SNRPG: variants seen among roughly 807,000 people sequenced by gnomAD.
The protein encoded by SNRPG is small nuclear ribonucleoprotein polypeptide G, also known as small nuclear ribonucleoprotein G.
SNRPG carries 3 observed loss-of-function variants against 13.9 expected under a neutral mutation model. That is an observed-to-expected ratio of 0.22 (90% CI 0.10 to 0.56). The LOEUF is 0.56. SNRPG is among the 20% of genes least tolerant of loss of function. The pLI is 0.93. For synonymous variants in SNRPG, 29 were observed against 29.3 expected, an observed-to-expected ratio of 0.99 and a Z score of 0.03; for missense variants, 34 against 96.1, an observed-to-expected ratio of 0.35 and a Z score of 2.70.
intron 3 of SNRPG, 85 bp from the exon 4 acceptor site, chr2:70,281,769 T>G: frequency 1.3e-6 from 1 of 769,238 alleles, no homozygotes; most frequent in South Asian, 1.7e-5. Context: ...ACCAAATCAT[T>G]AATGGTTTTT....
chr2:70,292,719 T>G (rs1294167297), intron 1 of SNRPG: 1 of 170,950 alleles, frequency 5.8e-6, no homozygotes, highest in African/African-American at 2.4e-5. Flanking sequence ...GAACTAACTA[T>G]ACACAAAGCC....
chr2:70,287,933 A>G (rs1037842390), intron 3 of SNRPG, 135 bp downstream of exon 3: 9 of 582,312 alleles, frequency 1.5e-5, no homozygotes, highest in South Asian at 1.5e-4. Flanking sequence ...TAACTGCCGT[A>G]TGCAACTAAA....
intron 3 of SNRPG, 30 bp from the exon 4 acceptor site, chr2:70,281,714 A>G: frequency 8.1e-7 from 1 of 1,232,834 alleles, no homozygotes; most frequent in African/African-American, 1.5e-5. Flanking sequence ...ATTTGAAAAG[A>G]ACAACTCAGG....
intron 1 of SNRPG, chr2:70,293,042 G>A (rs989111376): frequency 1.3e-5 from 8 of 636,208 alleles, no homozygotes; most frequent in Non-Finnish European, 2.3e-5. Context: ...AAAAATGAAT[G>A]TTCTTATATA....
intron 1 of SNRPG, among the ~76,000 whole-genome samples, chr2:70,290,659 C>A (rs1697060547): frequency 6.6e-6 from 1 of 151,318 alleles, no homozygotes; most frequent in African/African-American, 2.4e-5. Context: ...AGGAGCATGA[C>A]TGAAGGAGGG....
chr2:70,283,048 T>C (rs1696836940), intron 3 of SNRPG, among the ~76,000 whole-genome samples: 3 of 121,230 alleles, frequency 2.5e-5, no homozygotes, highest in Admixed American at 1.2e-4. Context: ...TAAGCCAAGA[T>C]AGCGCCACTG....
rs1437239147 is a variant in SNRPG at position 70,283,117 on chromosome 2, A to C, written c.181-1433T>G. Among the ~76,000 whole-genome samples, 6 of 148,544 alleles carry C rather than the reference A, an allele frequency of 4.0e-5. 1 individual carries two copies. Among genetic ancestry groups the C allele is most frequent in the African/African-American group, 7.5e-5 (3 of 39,844 alleles). On this transcript the variant is annotated intron_variant, in intron 3 of 3. Transcript: ENST00000272348. ...TTGTCAAAAAAAAAAAAAAAAAAAA[A>C]AAAAAAACAACAAACCAAAACCAAA...
chr2:70,287,785 A>G (rs1012412238), intron 3 of SNRPG: 1 of 467,788 alleles, frequency 2.1e-6, no homozygotes, highest in African/African-American at 1.9e-5. Context: ...TACTGCTCTA[A>G]TGAAGGACCA....
At chr2:70,291,722 G>A (rs182043613) in intron 1 of SNRPG, among the ~76,000 whole-genome samples, 11 of 152,082 alleles carry the variant, frequency 7.2e-5, no homozygotes, top group Admixed American at 5.9e-4. Flanking sequence ...TGAAACCTAC[G>A]AGGAAGAGAA....
intron 1 of SNRPG, among the ~76,000 whole-genome samples, chr2:70,289,986 A>G (rs1207660447): frequency 6.6e-6 from 1 of 151,370 alleles, no homozygotes; most frequent in South Asian, 2.1e-4. Flanking sequence ...ACGTTGTTTC[A>G]TTGACCTAAA....
rs914164983 is a variant in SNRPG, at chr2:70,289,076, G to A, written c.55+274C>T. Among the ~76,000 whole-genome samples, 3 of 151,828 alleles carry A rather than the reference G, an allele frequency of 2.0e-5. No homozygotes were observed. The East Asian group carries it at 5.8e-4, about 29-fold the overall frequency. ...TGCCATTCTCCTGACTCAGCCTCCC[G>A]AGTAACTGGGACTACAGGCGCCCGC... is the stretch of plus-strand genomic sequence containing the variant. On this transcript the variant is annotated intron_variant, in intron 2 of 3. Coordinates refer to ENST00000272348, the MANE Select transcript of SNRPG (RefSeq NM_003096.4).
intron 3 of SNRPG, 53 bp from the exon 4 acceptor site, chr2:70,281,737 C>A: frequency 1.1e-6 from 1 of 948,194 alleles, no homozygotes; most frequent in Non-Finnish European, 1.7e-6. Flanking sequence ...ACAGACATAA[C>A]TATGATGATT....
At chr2:70,292,727 G>A (rs1573999540) in intron 1 of SNRPG, 1 of 174,958 alleles carries the variant, frequency 5.7e-6, no homozygotes, top group Non-Finnish European at 1.3e-5. Flanking sequence ...TATACACAAA[G>A]CCAACCACAT....
chr2:70,292,017 G>A (rs1274403021), intron 1 of SNRPG, among the ~76,000 whole-genome samples: 3 of 147,186 alleles, frequency 2.0e-5, no homozygotes, highest in African/African-American at 7.5e-5. Context: ...GCGCGATCTC[G>A]GCTCACTGCA....
chr2:70,283,107 A>AAAAACAAAAC (rs1559041482), intron 3 of SNRPG, among the ~76,000 whole-genome samples: 4 of 145,398 alleles, frequency 2.8e-5, no homozygotes, highest in African/African-American at 1.1e-4. Flanking sequence ...AAAAAAAAAA[A>AAAAACAAAAC]AAAAAAAAAA....
chr2:70,289,762 G>A (rs1697033857), intron 1 of SNRPG, among the ~76,000 whole-genome samples: 1 of 152,154 alleles, frequency 6.6e-6, no homozygotes, highest in South Asian at 2.1e-4. Context: ...AGTGAGCCAT[G>A]ATTGCGCCAC....
chr2:70,284,036 G>A (rs897313848), intron 3 of SNRPG, among the ~76,000 whole-genome samples: 3 of 152,134 alleles, frequency 2.0e-5, no homozygotes, highest in Admixed American at 6.6e-5. Context: ...CTCCGGCCTC[G>A]GTGACAGAGT....
Position 70,293,726 on chromosome 2 carries a change from C to A in SNRPG, c.-77G>T. ...CCTCACGCTCCCGCTGTAGGCCCGG[C>A]GTCTTGCGTCTGGCGTCATCGACCT... On this transcript the variant is annotated 5_prime_UTR_variant, in exon 1 of 4. Transcript: ENST00000272348. 7.2e-7 allele frequency: 1 copy of A among 1,385,364 alleles called. No individual in the cohort carries two copies. The highest frequency in any genetic ancestry group is 1.2e-5 in the South Asian group (1 of 86,544). 85.8% of individuals were successfully genotyped at this position (1,385,364 alleles called of 1,614,324 possible). A position where few individuals can be genotyped will look rare whatever the true frequency, so the allele number is the denominator to read the frequency against.
At chr2:70,285,577 C>A (rs915912477) in intron 3 of SNRPG, among the ~76,000 whole-genome samples, 12 of 152,040 alleles carry the variant, frequency 7.9e-5, no homozygotes, top group African/African-American at 2.9e-4. Context: ...GTCATACACA[C>A]GCGCGTGCAC....
Sources: gnomAD v4.1 joint callset for allele counts (sites outside exome capture counted in the v4.1 genomes callset) on GRCh38, gnomAD v4.1.1 for gene constraint, MANE v1.5 for transcripts, NCBI Gene and HGNC (gene_info 2026-07-23, HGNC 2026-07-21) for gene names.